GUCY1A1: variants seen among roughly 807,000 people sequenced by gnomAD.
GUCY1A1 encodes guanylate cyclase soluble subunit alpha-1.
Under a neutral mutation model 64.5 loss-of-function variants are expected in GUCY1A1, and 48 were observed. The observed-to-expected ratio is 0.74, with a 90% CI of 0.59 to 0.95. The LOEUF is 0.95. Ranked by LOEUF, GUCY1A1 falls within the 40% of genes least tolerant of loss-of-function variation. The pLI is 0.00. For synonymous variants in GUCY1A1, 308 were observed against 303.4 expected (o/e 1.02, Z -0.16); for missense variants, 804 against 825.3 (o/e 0.97, Z 0.32).
At chr4:155,694,648 C>A (rs1463446041) in intron 2 of GUCY1A1, among the ~76,000 whole-genome samples, 1 of 152,168 alleles carries the variant, frequency 6.6e-6, no homozygotes, top group Non-Finnish European at 1.5e-5. Flanking sequence ...TGTATATCAT[C>A]TCTGGCTGGC....
At position 155,710,976 on chromosome 4, in the gene GUCY1A1, C is replaced by T; in HGVS notation, c.811C>T (p.Pro271Ser). ...STKPSLSPSK[P>S]QSSLVIPTSL... Reference sequence around the variant, plus strand: ...CAAGCCATCCCTGTCCCCCAGCAAACCCCAGTCCTCGCTGGTGATTCCCAC... The same window carrying T: ...CAAGCCATCCCTGTCCCCCAGCAAATCCCAGTCCTCGCTGGTGATTCCCAC... Residue 271 changes from proline (P) to serine (S), a missense_variant, in exon 6 of 10, where the codon CCC becomes TCC. Pro to Ser is a moderately conservative substitution (Grantham distance 74). Coordinates refer to ENST00000506455, the MANE Select transcript of GUCY1A1 (RefSeq NM_001130682.3). The T allele has an allele frequency of 6.2e-7, 1 of 1,613,434 alleles. No individual in the cohort carries two copies. The highest frequency in any genetic ancestry group is 8.5e-7 in the Non-Finnish European group (1 of 1,179,344).
chr4:155,693,509 A>AATATTC (rs1237616344), intron 2 of GUCY1A1, among the ~76,000 whole-genome samples: 2 of 152,018 alleles, frequency 1.3e-5, no homozygotes, highest in African/African-American at 4.8e-5. Flanking sequence ...GCCTGCCAGG[A>AATATTC]ATATTCTGTA....
intron 3 of GUCY1A1, among the ~76,000 whole-genome samples, chr4:155,698,054 G>T (rs530152612): frequency 1.6e-4 from 24 of 152,262 alleles, no homozygotes; most frequent in African/African-American, 5.8e-4. Context: ...AAGAAACATG[G>T]ACTGGCTGAT....
intron 8 of GUCY1A1, among the ~76,000 whole-genome samples, chr4:155,718,736 G>T (rs72689147): frequency 0.16 from 23,894 of 152,106 alleles, 2,137 homozygotes; most frequent in East Asian, 0.21. Flanking sequence ...CACTGAACAA[G>T]ACTGGTGGAA....
At chr4:155,688,431 T>G (rs1290860320) in intron 2 of GUCY1A1, among the ~76,000 whole-genome samples, 3 of 152,156 alleles carry the variant, frequency 2.0e-5, no homozygotes, top group African/African-American at 7.2e-5. Context: ...ATCATCAAGT[T>G]CATTATGTCA....
intron 9 of GUCY1A1, among the ~76,000 whole-genome samples, chr4:155,728,536 C>T (rs1390521882): frequency 6.6e-6 from 1 of 151,826 alleles, no homozygotes; most frequent in African/African-American, 2.4e-5. Context: ...ATACATATGT[C>T]TTTAGATAAT....
intron 2 of GUCY1A1, among the ~76,000 whole-genome samples, chr4:155,680,586 A>G (rs1297661413): frequency 6.6e-6 from 1 of 152,170 alleles, no homozygotes; most frequent in Admixed American, 6.5e-5. Flanking sequence ...CAAAAACTTA[A>G]CTACTAATAG....
At chr4:155,711,847 C>T (rs1011830189) in intron 6 of GUCY1A1, among the ~76,000 whole-genome samples, 2 of 152,066 alleles carry the variant, frequency 1.3e-5, no homozygotes, top group African/African-American at 4.8e-5. Context: ...AACAGAAGCA[C>T]CATTTGTTCC....
chr4:155,681,352 AG>A (rs912877678), intron 2 of GUCY1A1, among the ~76,000 whole-genome samples: 4 of 152,176 alleles, frequency 2.6e-5, no homozygotes, highest in Non-Finnish European at 5.9e-5. Context: ...CTACAAATAT[AG>A]GTAACAAAAG....
chr4:155,699,391 T>C (rs1283524587), intron 3 of GUCY1A1, among the ~76,000 whole-genome samples: 2 of 152,186 alleles, frequency 1.3e-5, no homozygotes, highest in Non-Finnish European at 2.9e-5. Flanking sequence ...TAGGAAAATG[T>C]ACTGAAAGAC....
intron 2 of GUCY1A1, among the ~76,000 whole-genome samples, chr4:155,673,367 C>T (rs909919949): frequency 2.6e-5 from 4 of 151,504 alleles, no homozygotes; most frequent in African/African-American, 9.8e-5. Context: ...CAGAATTATA[C>T]ATGTCAGCAC....
rs569055055 is a variant in GUCY1A1 at position 155,672,584 on chromosome 4, G to C, written c.-113+5165G>C. On this transcript the variant is annotated intron_variant, in intron 2 of 9. Transcript: ENST00000506455. The stretch of plus-strand genomic sequence containing the variant: ...TATTAAAAACAAAAGGAGATAACTA[G>C]GTTAGTTGACAAGGATAGGTTCCTG... Among the ~76,000 whole-genome samples the C allele has an allele frequency of 5.9e-5, 9 of 152,244 alleles. 1 individual carries two copies. The South Asian group carries it at 1.9e-3, about 32-fold the overall frequency.
At chr4:155,710,465 T>G (rs759380252) in intron 5 of GUCY1A1, 77 bp from the exon 6 acceptor site, 4 of 897,200 alleles carry the variant, frequency 4.5e-6, no homozygotes, top group Non-Finnish European at 7.0e-6. Context: ...ATAACGCAAG[T>G]TGAAAATAGG....
At chr4:155,675,645 G>C (rs141393768) in intron 2 of GUCY1A1, among the ~76,000 whole-genome samples, 15 of 151,480 alleles carry the variant, frequency 9.9e-5, no homozygotes, top group Admixed American at 9.8e-4. Context: ...CTTATTTTCT[G>C]TGTCACTGGC....
Position 155,702,488 on chromosome 4 carries a change from T to C in GUCY1A1, c.256-1444T>C, listed in dbSNP as rs1036449399. 1.3e-5 allele frequency among the ~76,000 whole-genome samples: 2 copies of C among 152,208 alleles called. 1 individual carries two copies. Among genetic ancestry groups the C allele is most frequent in the South Asian group, 4.1e-4 (2 of 4,828 alleles). On this transcript the variant is annotated intron_variant, in intron 3 of 9. Transcript: ENST00000506455. ...TGATGAGAAAGATGTCTAGGAAATA[T>C]GCCCATAGTTTCTTTCTTGAACATG... is the stretch of plus-strand genomic sequence containing the variant.
intron 2 of GUCY1A1, among the ~76,000 whole-genome samples, chr4:155,692,274 T>A (rs918155183): frequency 1.3e-5 from 2 of 152,242 alleles, no homozygotes; most frequent in Non-Finnish European, 2.9e-5. Context: ...TGTGTCTTTA[T>A]AATAGAATGA....
intron 2 of GUCY1A1, among the ~76,000 whole-genome samples, chr4:155,671,261 A>G (rs1734110245): frequency 6.6e-6 from 1 of 152,136 alleles, no homozygotes; most frequent in Non-Finnish European, 1.5e-5. Context: ...TATTTCACCA[A>G]CAATTTTAAC....
chr4:155,693,726 T>C (rs1730056060), intron 2 of GUCY1A1, among the ~76,000 whole-genome samples: 1 of 152,140 alleles, frequency 6.6e-6, no homozygotes, highest in Non-Finnish European at 1.5e-5. Context: ...TTTGCTTTAA[T>C]AAAAAACACT....
chr4:155,693,432 A>G (rs1426040650), intron 2 of GUCY1A1, among the ~76,000 whole-genome samples: 2 of 152,000 alleles, frequency 1.3e-5, no homozygotes, highest in South Asian at 4.2e-4. Flanking sequence ...TGACCAAACC[A>G]TTTCTGAAGT....
Sources: allele counts gnomAD v4.1 joint callset (sites outside exome capture counted in the v4.1 genomes callset), GRCh38; gene constraint gnomAD v4.1.1; transcripts MANE v1.5; gene names NCBI Gene and HGNC (gene_info 2026-07-23, HGNC 2026-07-21).